Variants in HOXC4 observed in about 807,000 individuals in gnomAD.
HOXC4 encodes homeobox C4.
A neutral mutation model predicts 25.5 loss-of-function variants in HOXC4; 15 were observed. The ratio of observed to expected loss-of-function variants is 0.59; its 90% CI spans 0.39 to 0.91. HOXC4 has a LOEUF of 0.91. Ranked by LOEUF, HOXC4 falls within the 40% of genes least tolerant of loss-of-function variation. HOXC4 has a pLI of 0.00. For synonymous variants in HOXC4, 165 were observed against 148.0 expected, an observed-to-expected ratio of 1.11 and a Z score of -0.83; for missense variants, 342 against 352.4, an observed-to-expected ratio of 0.97 and a Z score of 0.24.
intron 1 of HOXC4, chr12:54,017,560 C>CG (rs1342430388): frequency 1.4e-5 from 2 of 139,874 alleles, no homozygotes; most frequent in Non-Finnish European, 3.1e-5. Flanking sequence ...GGAAAATTGG[C>CG]GGGGGGAGAG....
At chr12:54,050,314 C>T (rs991858600), upstream of HOXC4, among the ~76,000 whole-genome samples, 34 of 152,228 alleles carry the variant, frequency 2.2e-4, no homozygotes, top group African/African-American at 7.7e-4. Context: ...GAAAGAGAAA[C>T]CAAATCGAGA....
chr12:54,028,265 A>ATG, intron 1 of HOXC4: 1 of 71,380 alleles, frequency 1.4e-5, no homozygotes, highest in South Asian at 3.1e-4. Flanking sequence ...ATATATATAT[A>ATG]TATTTTTTAA....
intron 1 of HOXC4, among the ~76,000 whole-genome samples, chr12:54,036,048 T>A (rs1053750321): frequency 6.6e-6 from 1 of 152,096 alleles, no homozygotes; most frequent in Non-Finnish European, 1.5e-5. Context: ...AGACCAGTGC[T>A]GGAGTCACGT....
intron 1 of HOXC4, among the ~76,000 whole-genome samples, chr12:54,046,432 TGTCGTAG>T (rs887204340): frequency 5.9e-5 from 9 of 151,788 alleles, no homozygotes; most frequent in Admixed American, 5.3e-4. Context: ...AGTATTGGGG[TGTCGTAG>T]GTCAGGGGAC....
At chr12:54,040,089 C>T (rs1309606369) in intron 1 of HOXC4, among the ~76,000 whole-genome samples, 1 of 152,140 alleles carries the variant, frequency 6.6e-6, no homozygotes, top group Non-Finnish European at 1.5e-5. Context: ...TCTAGTTCCA[C>T]CTGGAAACAG....
intron 1 of HOXC4, among the ~76,000 whole-genome samples, chr12:54,031,662 C>T (rs1940992253): frequency 6.6e-6 from 1 of 152,150 alleles, no homozygotes; most frequent in South Asian, 2.1e-4. Context: ...CAGAGTTTTC[C>T]GGGCCCTTCA....
chr12:54,054,971 C>A lies in HOXC4; in HGVS notation c.561C>A (p.Ile187=), dbSNP rs767966253. Residue 187 remains isoleucine, a synonymous_variant, in exon 2 of 2, where the codon ATC becomes ATA. Transcript: ENST00000430889. ...GCTACCTGACCCGAAGGAGAAGGAT[C>A]GAGATCGCCCACTCGCTGTGCCTCT... The part of the protein sequence containing the change: ...YNRYLTRRRR[I]EIAHSLCLSE... 8.7e-6 allele frequency: 14 copies of A among 1,614,086 alleles called. No homozygotes were observed. The South Asian group carries it at 1.4e-4, about 16-fold the overall frequency.
chr12:54,033,185 G>A, intron 1 of HOXC4: 3 of 1,614,180 alleles, frequency 1.9e-6, no homozygotes, highest in Non-Finnish European at 2.5e-6. Context: ...CCTATAACAT[G>A]CAAACTTGTG....
intron 1 of HOXC4, chr12:54,033,492 C>G (rs754651283): frequency 6.3e-7 from 1 of 1,591,934 alleles, no homozygotes. Context: ...GGAGCAGGCG[C>G]AGACAGGGCA....
At position 54,054,274 on chromosome 12, in the gene HOXC4, A is replaced by G; in HGVS notation, c.352A>G (p.Ser118Gly). ...CCCGTCCCCAGCCCCGCCAGCCTGCAGCCAGCCAGCCCCCGACCATCCCTC... is the reference window on the plus strand; with the variant it reads ...CCCGTCCCCAGCCCCGCCAGCCTGCGGCCAGCCAGCCCCCGACCATCCCTC... Reference protein sequence around the residue: ...ASPSPAPPACSQPAPDHPSSA... With the variant: ...ASPSPAPPACGQPAPDHPSSA... The change falls in exon 1 of 2, where the codon AGC becomes GGC. Residue 118 changes from serine to glycine, a missense_variant. Ser to Gly is a moderately conservative substitution (Grantham distance 56). Transcript: ENST00000430889. 6.4e-7 allele frequency: 1 copy of G among 1,570,756 alleles called. No homozygotes were observed. Among genetic ancestry groups the G allele is most frequent in the South Asian group, 1.1e-5 (1 of 89,880 alleles).
At chr12:54,042,243 G>T (rs1475919281) in intron 1 of HOXC4, among the ~76,000 whole-genome samples, 3 of 152,204 alleles carry the variant, frequency 2.0e-5, no homozygotes, top group Non-Finnish European at 4.4e-5. Flanking sequence ...CTCCCAAGGT[G>T]CTGGGATTAC....
At chr12:54,033,793 T>G (rs1447042516) in intron 1 of HOXC4, among the ~76,000 whole-genome samples, 4 of 152,090 alleles carry the variant, frequency 2.6e-5, no homozygotes, top group Non-Finnish European at 5.9e-5. Context: ...AAGGCAATAT[T>G]CAATTTTTGG....
chr12:54,035,576 C>T (rs762020220), intron 1 of HOXC4, among the ~76,000 whole-genome samples: 58 of 152,166 alleles, frequency 3.8e-4, no homozygotes, highest in Non-Finnish European at 7.1e-4. Flanking sequence ...ACCTAGGCCT[C>T]GAGTACTGGC....
chr12:54,030,892 T>C (rs1160865230), intron 1 of HOXC4: 1 of 152,230 alleles, frequency 6.6e-6, no homozygotes, highest in Non-Finnish European at 1.5e-5. Flanking sequence ...CTCCAAGCGC[T>C]CCCGCGCCTG....
At chr12:54,034,013 G>A (rs539020510) in intron 1 of HOXC4, 14 of 665,696 alleles carry the variant, frequency 2.1e-5, no homozygotes, top group South Asian at 9.0e-5. Context: ...TGTTCGGTCC[G>A]AGCCTGGGTC....
In HOXC4 at chr12:54,028,267, A is replaced by ATT. The variant is rs926541390; in HGVS notation, c.-124+10858_-124+10859dup. 9.7e-3 allele frequency: 731 copies of ATT among 75,584 alleles called. 1 individual carries two copies. Among genetic ancestry groups the ATT allele is most frequent in the Middle Eastern group, 0.018 (3 of 166 alleles). The allele number at this position is 75,584 out of a possible 1,614,324, so 4.7% of individuals were successfully genotyped here. On this transcript the variant is annotated intron_variant, in intron 1 of 3. Transcript: ENST00000303406. ...CTTACATATATATATATATATATATATTTTTTAAAAGAAATCCAAGTCTTA... is the reference window on the plus strand; with the variant it reads ...CTTACATATATATATATATATATATATTTTTTTTAAAAGAAATCCAAGTCTTA...
chr12:54,050,344 G>A (rs980654879), upstream of HOXC4, among the ~76,000 whole-genome samples: 5 of 152,206 alleles, frequency 3.3e-5, no homozygotes, highest in Non-Finnish European at 5.9e-5. Context: ...GAGATGGGGT[G>A]GAGGGGCAAT....
intron 1 of HOXC4, among the ~76,000 whole-genome samples, chr12:54,036,203 A>G (rs1327761224): frequency 1.3e-5 from 2 of 152,044 alleles, no homozygotes; most frequent in Non-Finnish European, 2.9e-5. Flanking sequence ...CTGGGGGAGG[A>G]AGCACTTTAC....
chr12:54,054,881 G>C lies in HOXC4; in HGVS notation c.471G>C (p.Lys157Asn), dbSNP rs779196372. 1 of 1,610,512 alleles carries C rather than the reference G, an allele frequency of 6.2e-7. No homozygotes were observed. The highest frequency in any genetic ancestry group is 1.1e-5 in the South Asian group (1 of 90,984). Residue 157 changes from lysine (K) to asparagine (N), a missense_variant, in exon 2 of 2, where the codon AAG (lysine) becomes AAC (asparagine). Coordinates refer to ENST00000430889, the MANE Select transcript of HOXC4 (RefSeq NM_153633.3). ...CCAATTATAACGGAGGGGAACCCAAGCGCTCGAGGACAGCCTATACCCGGC... is the reference window on the plus strand; with the variant it reads ...CCAATTATAACGGAGGGGAACCCAACCGCTCGAGGACAGCCTATACCCGGC... ...VNPNYNGGEPKRSRTAYTRQQ... is the reference protein window; with the variant it reads ...VNPNYNGGEPNRSRTAYTRQQ...
Sources: gnomAD v4.1 joint callset for allele counts (sites outside exome capture counted in the v4.1 genomes callset) on GRCh38, gnomAD v4.1.1 for gene constraint, MANE v1.5 for transcripts, NCBI Gene and HGNC (gene_info 2026-07-23, HGNC 2026-07-21) for gene names.